The following EHMT1 variants were observed in gnomAD, a reference collection of about 807,000 sequenced individuals.
EHMT1 encodes the protein euchromatic histone lysine methyltransferase 1, also known as histone-lysine N-methyltransferase EHMT1.
A neutral mutation model predicts 147.2 loss-of-function variants in EHMT1; 15 were observed. That is an observed-to-expected ratio of 0.10 (90% CI 0.07 to 0.16). The LOEUF (loss-of-function observed/expected upper bound fraction) is 0.16, where lower values mean the gene tolerates loss of function less well. Among genes scored for constraint, EHMT1 ranks in the 10% least tolerant of loss-of-function variants. EHMT1 has a pLI of 1.00. For synonymous variants in EHMT1, 795 were observed against 709.6 expected (o/e 1.12, Z -1.91); for missense variants, 1,587 against 1,772.4 (o/e 0.90, Z 1.88).
intron 2 of EHMT1, among the ~76,000 whole-genome samples, chr9:137,714,643 C>T (rs1175710310): frequency 6.7e-6 from 1 of 150,034 alleles, no homozygotes; most frequent in East Asian, 2.0e-4. Context: ...GCCTTGACCT[C>T]CTGGGCTCAA....
intron 3 of EHMT1, among the ~76,000 whole-genome samples, chr9:137,725,805 A>G (rs1204465102): frequency 6.6e-6 from 1 of 152,128 alleles, no homozygotes; most frequent in Non-Finnish European, 1.5e-5. Flanking sequence ...GCCAGCCCCA[A>G]GAGTACTCGC....
chr9:137,702,333 T>C (rs990847611), intron 1 of EHMT1, among the ~76,000 whole-genome samples: 1 of 152,136 alleles, frequency 6.6e-6, no homozygotes, highest in African/African-American at 2.4e-5. Flanking sequence ...GCCTGTAAAA[T>C]AAAAAGCTTA....
intron 1 of EHMT1, among the ~76,000 whole-genome samples, chr9:137,625,680 G>A (rs1453421589): frequency 6.6e-6 from 1 of 151,758 alleles, no homozygotes. Context: ...CTCCTTTTCC[G>A]TTTCCTTTAG....
chr9:137,807,977 G>A (rs950337670), intron 18 of EHMT1, among the ~76,000 whole-genome samples: 6 of 152,190 alleles, frequency 3.9e-5, no homozygotes, highest in African/African-American at 1.2e-4. Flanking sequence ...AAACTTGTAT[G>A]GTGCTAAGGA....
intron 4 of EHMT1, among the ~76,000 whole-genome samples, chr9:137,738,192 T>C (rs7026630): frequency 0.13 from 19,467 of 146,904 alleles, 2,953 homozygotes; most frequent in African/African-American, 0.38. Flanking sequence ...AGACTCTGTC[T>C]CAAAAAAAAC....
At chr9:137,623,264 A>G (rs1442989023) in intron 1 of EHMT1, among the ~76,000 whole-genome samples, 1 of 151,554 alleles carries the variant, frequency 6.6e-6, no homozygotes, top group Non-Finnish European at 1.5e-5. Context: ...CCTGGTACAC[A>G]GCATCATCCA....
intron 3 of EHMT1, among the ~76,000 whole-genome samples, chr9:137,726,403 G>A (rs1371780015): frequency 2.0e-5 from 3 of 152,132 alleles, no homozygotes; most frequent in African/African-American, 4.8e-5. Flanking sequence ...TACTTCATTC[G>A]GCACAGTGTC....
At chr9:137,834,580 A>ATGC in intron 26 of EHMT1, 56 bp downstream of exon 26, 1 of 1,605,380 alleles carries the variant, frequency 6.2e-7, no homozygotes, top group Non-Finnish European at 8.5e-7. Context: ...GGTTTTAGGA[A>ATGC]CGGGGCTCGC....
intron 19 of EHMT1, 46 bp downstream of exon 19, chr9:137,811,661 T>C: frequency 6.3e-7 from 1 of 1,598,538 alleles, no homozygotes; most frequent in Non-Finnish European, 8.5e-7. Flanking sequence ...TGACCTGACC[T>C]GGGCGCCCAG....
chr9:137,673,126 T>C (rs1940866995), intron 1 of EHMT1, among the ~76,000 whole-genome samples: 1 of 152,180 alleles, frequency 6.6e-6, no homozygotes, highest in Non-Finnish European at 1.5e-5. Context: ...CAAAGAACCT[T>C]ACCTTCCTTT....
At chr9:137,797,484 G>A (rs1953059561) in intron 16 of EHMT1, among the ~76,000 whole-genome samples, 1 of 152,160 alleles carries the variant, frequency 6.6e-6, no homozygotes, top group African/African-American at 2.4e-5. Flanking sequence ...TCTGCCAGGT[G>A]CACCTGCTTC....
intron 1 of EHMT1, among the ~76,000 whole-genome samples, chr9:137,650,313 A>G (rs1297500842): frequency 1.3e-5 from 2 of 152,086 alleles, no homozygotes; most frequent in African/African-American, 2.4e-5. Flanking sequence ...TGCCCAGGCT[A>G]TTCTCAAACT....
chr9:137,707,071 C>G (rs901011943), intron 1 of EHMT1, among the ~76,000 whole-genome samples: 1 of 152,228 alleles, frequency 6.6e-6, no homozygotes, highest in African/African-American at 2.4e-5. Flanking sequence ...GTGATCCACT[C>G]ACCTTAGCCT....
intron 10 of EHMT1, among the ~76,000 whole-genome samples, chr9:137,768,118 C>A (rs1950329562): frequency 6.6e-6 from 1 of 152,132 alleles, no homozygotes; most frequent in African/African-American, 2.4e-5. Flanking sequence ...TAGGCTCATG[C>A]AAGTACAGCC....
intron 18 of EHMT1, chr9:137,803,095 C>T (rs1953641563): frequency 1.6e-6 from 2 of 1,229,606 alleles, no homozygotes; most frequent in African/African-American, 1.6e-5. Context: ...CATGCCTGGG[C>T]AGTTTGCAGC....
At chr9:137,768,975 C>A (rs960417758) in intron 10 of EHMT1, among the ~76,000 whole-genome samples, 15 of 152,214 alleles carry the variant, frequency 9.9e-5, no homozygotes, top group African/African-American at 3.6e-4. Context: ...TCGTGAGCTA[C>A]CACACCCAGC....
intron 1 of EHMT1, among the ~76,000 whole-genome samples, chr9:137,662,976 T>C (rs1399459278): frequency 6.6e-6 from 1 of 151,790 alleles, no homozygotes; most frequent in Non-Finnish European, 1.5e-5. Context: ...GTACTTTTAG[T>C]AGATACAGGG....
At chr9:137,795,429 T>TCACATACA (rs1491008741) in intron 16 of EHMT1, among the ~76,000 whole-genome samples, 2 of 19,502 alleles carry the variant, frequency 1.0e-4, no homozygotes, top group African/African-American at 1.5e-4. Context: ...ACACACACAC[T>TCACATACA]CTCACACTCA....
chr9:137,642,670 C>G (rs962532948), intron 1 of EHMT1, among the ~76,000 whole-genome samples: 3 of 152,136 alleles, frequency 2.0e-5, no homozygotes, highest in African/African-American at 7.2e-5. Context: ...AGCTTAATTT[C>G]TTTTGCCCTT....
Sources: gnomAD v4.1 joint callset for allele counts (sites outside exome capture counted in the v4.1 genomes callset) on GRCh38, gnomAD v4.1.1 for gene constraint, MANE v1.5 for transcripts, NCBI Gene and HGNC (gene_info 2026-07-23, HGNC 2026-07-21) for gene names.